GRM8: variants seen among roughly 807,000 people sequenced by gnomAD.
The protein encoded by GRM8 is glutamate metabotropic receptor 8, also known as metabotropic glutamate receptor 8.
Under a neutral mutation model 87.2 loss-of-function variants are expected in GRM8, and 47 were observed. The observed-to-expected ratio is 0.54, with a 90% CI of 0.43 to 0.69. The LOEUF (loss-of-function observed/expected upper bound fraction) is 0.69, where lower values mean the gene tolerates loss of function less well. Ranked by LOEUF, GRM8 falls within the 30% of genes least tolerant of loss-of-function variation. The pLI, the probability that GRM8 is intolerant of heterozygous loss-of-function variation, is 0.00. For missense variants in GRM8, 1,019 were observed against 1,139.2 expected (o/e 0.89, Z 1.52); for synonymous variants, 396 against 404.5 (o/e 0.98, Z 0.25).
chr7:126,967,187 C>A (rs1198852849), intron 3 of GRM8, among the ~76,000 whole-genome samples: 1 of 151,722 alleles, frequency 6.6e-6, no homozygotes, highest in African/African-American at 2.4e-5. Context: ...GTGTGTACAC[C>A]TTTCTCCCTT....
intron 9 of GRM8, among the ~76,000 whole-genome samples, chr7:126,501,721 G>C (rs1809675398): frequency 1.3e-5 from 2 of 151,980 alleles, no homozygotes; most frequent in South Asian, 4.1e-4. Context: ...TCTCAAGTCA[G>C]AGAGCAGGTT....
chr7:127,213,111 C>T (rs1053404804), intron 2 of GRM8, among the ~76,000 whole-genome samples: 2 of 152,218 alleles, frequency 1.3e-5, no homozygotes, highest in African/African-American at 2.4e-5. Context: ...GCTGTCTCTA[C>T]GGTGATACAC....
At chr7:126,850,975 TC>T (rs1797160247) in intron 6 of GRM8, among the ~76,000 whole-genome samples, 1 of 152,102 alleles carries the variant, frequency 6.6e-6, no homozygotes, top group Non-Finnish European at 1.5e-5. Flanking sequence ...CAAATTTATA[TC>T]CCTAGTTCTT....
rs544927786 is a variant in GRM8 at position 126,857,903 on chromosome 7, C to T, written c.1156+44639G>A. Among the ~76,000 whole-genome samples the T allele has an allele frequency of 1.1e-3, 174 of 152,186 alleles. 1 individual carries two copies. Among genetic ancestry groups the T allele is most frequent in the African/African-American group, 4.1e-3 (170 of 41,518 alleles). The stretch of plus-strand genomic sequence containing the variant: ...GTTCAAGGCTGCAGTGAGCTACAAT[C>T]CTGCCACTACATTTCCAGCCTGGGC... On this transcript the variant is annotated intron_variant, in intron 6 of 10. Coordinates refer to ENST00000339582, the MANE Select transcript of GRM8 (RefSeq NM_000845.3).
chr7:126,896,334 G>A lies in GRM8; in HGVS notation c.1156+6208C>T, dbSNP rs148946753. 1.3e-3 allele frequency among the ~76,000 whole-genome samples: 196 copies of A among 152,116 alleles called. 1 individual carries two copies. Among genetic ancestry groups the A allele is most frequent in the African/African-American group, 4.6e-3 (191 of 41,504 alleles). On this transcript the variant is annotated intron_variant, in intron 6 of 10. Transcript: ENST00000339582. ...AGAGCATATGGATGGCTACCTGGTA[G>A]TGCTCACGTAAAGGCATTCTCCCCA...
At chr7:126,838,996 T>C (rs1796037271) in intron 6 of GRM8, among the ~76,000 whole-genome samples, 1 of 152,186 alleles carries the variant, frequency 6.6e-6, no homozygotes, top group African/African-American at 2.4e-5. Flanking sequence ...TAAGTTCCTA[T>C]ACCTACAAAT....
chr7:126,855,403 A>G (rs1049593599), intron 6 of GRM8, among the ~76,000 whole-genome samples: 7 of 152,138 alleles, frequency 4.6e-5, no homozygotes, highest in Admixed American at 1.3e-4. Context: ...AACAGCTAGG[A>G]AACTTGTCCA....
intron 9 of GRM8, among the ~76,000 whole-genome samples, chr7:126,462,091 A>G (rs1157781661): frequency 1.3e-5 from 2 of 151,356 alleles, no homozygotes; most frequent in Non-Finnish European, 3.0e-5. Context: ...GTGTACAGGA[A>G]TCTTTTGCAA....
intron 7 of GRM8, among the ~76,000 whole-genome samples, chr7:126,733,425 C>T (rs1054489935): frequency 6.7e-6 from 1 of 149,824 alleles, no homozygotes; most frequent in African/African-American, 2.4e-5. Flanking sequence ...GTGTCTCTTT[C>T]TTCCTAATTA....
chr7:127,124,783 C>T (rs915955080), intron 2 of GRM8, among the ~76,000 whole-genome samples: 2 of 152,064 alleles, frequency 1.3e-5, no homozygotes, highest in Non-Finnish European at 2.9e-5. Flanking sequence ...GATGTAGCCC[C>T]TACCCTTTAA....
intron 10 of GRM8, among the ~76,000 whole-genome samples, chr7:126,439,977 TTTAAG>T (rs1336974997): frequency 6.6e-6 from 1 of 151,952 alleles, no homozygotes; most frequent in Non-Finnish European, 1.5e-5. Flanking sequence ...GTGTTTGTGT[TTTAAG>T]TTTTTATTAC....
At chr7:127,204,675 T>C (rs1170497013) in intron 2 of GRM8, among the ~76,000 whole-genome samples, 1 of 152,012 alleles carries the variant, frequency 6.6e-6, no homozygotes, top group African/African-American at 2.4e-5. Context: ...TTTTTTTTTA[T>C]AACATATCAA....
At chr7:126,547,160 T>C (rs939640284) in intron 8 of GRM8, among the ~76,000 whole-genome samples, 2 of 152,220 alleles carry the variant, frequency 1.3e-5, no homozygotes, top group African/African-American at 2.4e-5. Context: ...GTCAACAGAC[T>C]CATCCAAGTG....
At chr7:126,922,715 G>A (rs539777450) in intron 3 of GRM8, among the ~76,000 whole-genome samples, 31 of 152,146 alleles carry the variant, frequency 2.0e-4, no homozygotes, top group Non-Finnish European at 4.1e-4. Flanking sequence ...TGCTGGAGGT[G>A]GGGCCTGGTG....
intron 1 of GRM8, among the ~76,000 whole-genome samples, chr7:127,245,405 C>T (rs1434099248): frequency 6.6e-6 from 1 of 152,184 alleles, no homozygotes; most frequent in Non-Finnish European, 1.5e-5. Context: ...CACCTTTCCT[C>T]TTTACACCAA....
Position 126,867,513 on chromosome 7 carries a change from A to C in GRM8, c.1156+35029T>G, listed in dbSNP as rs144572339. On this transcript the variant is annotated intron_variant, in intron 6 of 10. Transcript: ENST00000339582. Reference sequence around the variant, plus strand: ...AGTAATGAATCACCAGCAAAGAAGAAAAAGCAGAGGTGCTTTATAACATGG... The same window carrying C: ...AGTAATGAATCACCAGCAAAGAAGACAAAGCAGAGGTGCTTTATAACATGG... Among the ~76,000 whole-genome samples the C allele has an allele frequency of 2.4e-3, 373 of 152,340 alleles. 3 individuals are homozygous for C. Among genetic ancestry groups the C allele is most frequent in the African/African-American group, 8.4e-3 (350 of 41,570 alleles).
intron 7 of GRM8, among the ~76,000 whole-genome samples, chr7:126,679,545 A>G (rs182638812): frequency 6.6e-5 from 10 of 152,362 alleles, no homozygotes; most frequent in African/African-American, 2.2e-4. Flanking sequence ...ACCATATGCC[A>G]GATAGTAAGG....
At chr7:126,553,252 T>A (rs991202716) in intron 8 of GRM8, among the ~76,000 whole-genome samples, 9 of 152,262 alleles carry the variant, frequency 5.9e-5, no homozygotes, top group Admixed American at 2.0e-4. Context: ...AAATTATTTT[T>A]AAAAAATCCC....
At chr7:126,726,602 A>C (rs557744603) in intron 7 of GRM8, among the ~76,000 whole-genome samples, 112 of 152,240 alleles carry the variant, frequency 7.4e-4, no homozygotes, top group African/African-American at 2.6e-3. Flanking sequence ...TATCTTCCCC[A>C]AAATCCTCCA....
Sources: allele counts gnomAD v4.1 joint callset (sites outside exome capture counted in the v4.1 genomes callset), GRCh38; gene constraint gnomAD v4.1.1; transcripts MANE v1.5; gene names NCBI Gene and HGNC (gene_info 2026-07-23, HGNC 2026-07-21).